The following CTNNA3 variants were observed in gnomAD, a reference collection of about 807,000 sequenced individuals.
CTNNA3 encodes catenin alpha-3.
CTNNA3 carries 76 observed loss-of-function variants against 95.7 expected under a neutral mutation model. The ratio of observed to expected loss-of-function variants is 0.79; its 90% confidence interval spans 0.66 to 0.96. The LOEUF (loss-of-function observed/expected upper bound fraction) is 0.96, where lower values mean the gene tolerates loss of function less well. Ranked by LOEUF, CTNNA3 falls within the 40% of genes least tolerant of loss-of-function variation. The probability of loss-of-function intolerance (pLI) is 0.00; values close to 1 mark genes in which losing one functional copy is unlikely to be tolerated. For missense variants in CTNNA3, 1,191 were observed against 1,089.8 expected (o/e 1.09, Z -1.31); for synonymous variants, 431 against 374.4 (o/e 1.15, Z -1.74).
intron 11 of CTNNA3, among the ~76,000 whole-genome samples, chr10:66,439,188 CTAATTA>C (rs1369427277): frequency 6.6e-6 from 1 of 151,974 alleles, no homozygotes; most frequent in East Asian, 1.9e-4. Flanking sequence ...TGGTTGTAAT[CTAATTA>C]TAACTTTATA....
At chr10:67,429,307 C>T (rs1441812044) in intron 5 of CTNNA3, among the ~76,000 whole-genome samples, 3 of 151,902 alleles carry the variant, frequency 2.0e-5, no homozygotes, top group African/African-American at 7.2e-5. Flanking sequence ...CTCCCATATT[C>T]TTATATATTT....
At chr10:67,580,173 C>G (rs190206162) in intron 3 of CTNNA3, among the ~76,000 whole-genome samples, 167 of 152,114 alleles carry the variant, frequency 1.1e-3, no homozygotes, top group African/African-American at 3.7e-3. Flanking sequence ...TCTTCTAGGG[C>G]TCTTATGGTT....
chr10:67,559,283 G>A (rs984991334), intron 3 of CTNNA3, among the ~76,000 whole-genome samples: 2 of 152,196 alleles, frequency 1.3e-5, no homozygotes, highest in African/African-American at 4.8e-5. Context: ...GTACCCCTCT[G>A]AGACAAAACT....
At chr10:66,348,839 T>C (rs1244462387) in intron 12 of CTNNA3, among the ~76,000 whole-genome samples, 3 of 152,062 alleles carry the variant, frequency 2.0e-5, no homozygotes, top group African/African-American at 4.8e-5. Context: ...AGACCATGTA[T>C]TGGCTGCTCA....
At chr10:66,572,415 C>G (rs1203461993) in intron 10 of CTNNA3, among the ~76,000 whole-genome samples, 1 of 151,078 alleles carries the variant, frequency 6.6e-6, no homozygotes, top group Non-Finnish European at 1.5e-5. Context: ...TGAATCTAAG[C>G]AAACATATAC....
chr10:66,891,898 A>G (rs866658665), intron 7 of CTNNA3, among the ~76,000 whole-genome samples: 4 of 152,254 alleles, frequency 2.6e-5, no homozygotes, highest in East Asian at 3.9e-4. Flanking sequence ...ACAAGGCACC[A>G]TAAGTTCAGA....
intron 7 of CTNNA3, among the ~76,000 whole-genome samples, chr10:66,917,674 C>T (rs1481438962): frequency 6.6e-6 from 1 of 152,160 alleles, no homozygotes; most frequent in Middle Eastern, 3.2e-3. Context: ...GAATTTAATT[C>T]CTAATGCTGA....
intron 5 of CTNNA3, among the ~76,000 whole-genome samples, chr10:67,344,972 A>T (rs1438656043): frequency 6.6e-6 from 1 of 151,670 alleles, no homozygotes; most frequent in Non-Finnish European, 1.5e-5. Flanking sequence ...TTTGATATAG[A>T]CATTTATAGA....
intron 7 of CTNNA3, among the ~76,000 whole-genome samples, chr10:66,865,984 A>G (rs186221524): frequency 1.3e-4 from 20 of 152,284 alleles, no homozygotes; most frequent in South Asian, 1.0e-3. Context: ...ATTCTTATCT[A>G]TACTCTTAAT....
Position 66,800,452 on chromosome 10 carries a change from T to C in CTNNA3, c.1048-24928A>G, listed in dbSNP as rs371788185. ...TACTTTAAAAATCAAGGCAGCAGAATTGAAAAATTCAATAACACTTCTTTA... is the reference window on the plus strand; with the variant it reads ...TACTTTAAAAATCAAGGCAGCAGAACTGAAAAATTCAATAACACTTCTTTA... On this transcript the variant is annotated intron_variant, in intron 7 of 17. Transcript: ENST00000433211. Among the ~76,000 whole-genome samples the C allele has an allele frequency of 4.0e-4, 60 of 151,200 alleles. 1 individual carries two copies. The South Asian group carries it at 0.01, about 26-fold the overall frequency.
chr10:66,371,703 C>G (rs944640831), intron 12 of CTNNA3, among the ~76,000 whole-genome samples: 2 of 152,080 alleles, frequency 1.3e-5, no homozygotes, highest in South Asian at 4.1e-4. Context: ...TGCTAACAGA[C>G]TTCAAAGCCC....
At chr10:66,854,925 C>T (rs950718982) in intron 7 of CTNNA3, among the ~76,000 whole-genome samples, 1 of 151,834 alleles carries the variant, frequency 6.6e-6, no homozygotes, top group Non-Finnish European at 1.5e-5. Context: ...TTTACTTAAC[C>T]TCTAAGTCTC....
chr10:66,689,728 T>A (rs1455111817), intron 9 of CTNNA3, among the ~76,000 whole-genome samples: 1 of 151,958 alleles, frequency 6.6e-6, no homozygotes, highest in Non-Finnish European at 1.5e-5. Flanking sequence ...AAATAACAAG[T>A]GGATTCAATA....
chr10:67,097,886 C>G, intron 7 of CTNNA3: 1 of 1,097,020 alleles, frequency 9.1e-7, no homozygotes, highest in Non-Finnish European at 1.3e-6. Flanking sequence ...ACTCTAAAAA[C>G]AAAACAAAAC....
At chr10:67,576,448 T>C (rs1298780866) in intron 3 of CTNNA3, among the ~76,000 whole-genome samples, 2 of 152,124 alleles carry the variant, frequency 1.3e-5, no homozygotes, top group African/African-American at 4.8e-5. Context: ...ATAATTGTTG[T>C]ATAAAATCTA....
intron 7 of CTNNA3, among the ~76,000 whole-genome samples, chr10:66,899,618 T>C (rs374728122): frequency 6.6e-6 from 1 of 152,084 alleles, no homozygotes; most frequent in East Asian, 1.9e-4. Context: ...CATGACAGAC[T>C]GTACCGGGAA....
intron 7 of CTNNA3, chr10:66,925,882 CA>C: frequency 5.4e-6 from 2 of 372,366 alleles, no homozygotes; most frequent in South Asian, 3.9e-5. Flanking sequence ...GGTGACCATT[CA>C]GTTCCTACTG....
At chr10:66,168,012 C>A (rs541090122) in intron 13 of CTNNA3, among the ~76,000 whole-genome samples, 1 of 152,126 alleles carries the variant, frequency 6.6e-6, no homozygotes, top group African/African-American at 2.4e-5. Context: ...GAGCTCTTGG[C>A]CAATTGCCCT....
rs1554862179 is a variant in CTNNA3 at position 66,845,717 on chromosome 10, A to AAAAC, written c.1048-70194_1048-70193insGTTT. 3.6e-4 allele frequency among the ~76,000 whole-genome samples: 47 copies of AAAAC among 130,686 alleles called. 2 individuals carry two copies. Among genetic ancestry groups the AAAAC allele is most frequent in the African/African-American group, 1.3e-3 (47 of 35,310 alleles). The allele number at this position is 130,686 out of a possible 152,430, so 85.7% of individuals were successfully genotyped here. On this transcript the variant is annotated intron_variant, in intron 7 of 17. Transcript: ENST00000433211. ...AAACTCTGTCTCAAAAAAAAAAAAA[A>AAAAC]AAAAAAAAAAAACTAAAAAGGTGAG...
Sources: allele counts gnomAD v4.1 joint callset (sites outside exome capture counted in the v4.1 genomes callset), GRCh38; gene constraint gnomAD v4.1.1; transcripts MANE v1.5; gene names NCBI Gene and HGNC (gene_info 2026-07-23, HGNC 2026-07-21).